The following MTUS2 variants were observed in gnomAD, a reference collection of about 807,000 sequenced individuals.
MTUS2 encodes the protein microtubule-associated tumor suppressor candidate 2.
Under a neutral mutation model 114.1 loss-of-function variants are expected in MTUS2, and 40 were observed. The ratio of observed to expected loss-of-function variants is 0.35; its 90% CI spans 0.27 to 0.46. The LOEUF is 0.46. Ranked by LOEUF, MTUS2 falls within the 20% of genes least tolerant of loss-of-function variation. MTUS2 has a pLI of 1.00. For missense variants in MTUS2, 1,679 were observed against 1,705.4 expected (o/e 0.98, Z 0.27); for synonymous variants, 688 against 672.0 (o/e 1.02, Z -0.37).
chr13:29,493,930 G>C (rs1193410617), intron 12 of MTUS2, among the ~76,000 whole-genome samples: 1 of 152,188 alleles, frequency 6.6e-6, no homozygotes, highest in South Asian at 2.1e-4. Flanking sequence ...AGCAGAATCC[G>C]TTTGGGCTGG....
chr13:29,228,913 G>T (rs1257598254), intron 5 of MTUS2, among the ~76,000 whole-genome samples: 1 of 151,848 alleles, frequency 6.6e-6, no homozygotes, highest in Non-Finnish European at 1.5e-5. Flanking sequence ...CATAGCTCTG[G>T]GAACAGCTAT....
intron 5 of MTUS2, among the ~76,000 whole-genome samples, chr13:29,240,882 G>T (rs1368342392): frequency 6.6e-6 from 1 of 152,028 alleles, no homozygotes; most frequent in Non-Finnish European, 1.5e-5. Context: ...GTCAATATGT[G>T]TAACAGTTTT....
In MTUS2 at chr13:29,282,771, C is replaced by T. The variant is rs553917838; in HGVS notation, c.2806+906C>T. 1.8e-4 allele frequency among the ~76,000 whole-genome samples: 28 copies of T among 152,040 alleles called. No homozygotes were observed. In the East Asian group the frequency reaches 2.5e-3, roughly 14 times the overall value. Reference sequence around the variant, plus strand: ...CAATGTATATATATATGTAAACATACGGGTTTTATAGGTATTTTTAAATGA... The same window carrying T: ...CAATGTATATATATATGTAAACATATGGGTTTTATAGGTATTTTTAAATGA... On this transcript the variant is annotated intron_variant, in intron 6 of 15. Coordinates refer to ENST00000612955, the MANE Select transcript of MTUS2 (RefSeq NM_001033602.4).
chr13:28,901,490 G>T (rs924139691), intron 2 of MTUS2, among the ~76,000 whole-genome samples: 1 of 152,080 alleles, frequency 6.6e-6, no homozygotes, highest in African/African-American at 2.4e-5. Flanking sequence ...AAATTTTCAG[G>T]TCTCACATGT....
At chr13:29,076,173 G>A (rs1889184520) in intron 4 of MTUS2, among the ~76,000 whole-genome samples, 1 of 152,270 alleles carries the variant, frequency 6.6e-6, no homozygotes, top group African/African-American at 2.4e-5. Context: ...TCTTCATAAA[G>A]CTTCTTCTGG....
rs959634458 is a variant in MTUS2, at chr13:29,497,590, G to A, written c.3678+254G>A. ...TCCACAGCATTCCCCAGCTGGAGTC[G>A]TGGGGCTCCTATGATAAGCATGGTC... On this transcript the variant is annotated intron_variant, in intron 13 of 15. Coordinates refer to ENST00000612955, the MANE Select transcript of MTUS2 (RefSeq NM_001033602.4). The A allele has an allele frequency of 1.0e-4, 53 of 525,478 alleles. 1 individual carries two copies. The highest frequency in any genetic ancestry group is 8.5e-4 in the South Asian group (39 of 45,754). The allele number at this position is 525,478 out of a possible 1,614,324, so 32.6% of individuals were successfully genotyped here.
At chr13:29,006,329 G>A (rs866362898) in intron 2 of MTUS2, among the ~76,000 whole-genome samples, 2 of 152,256 alleles carry the variant, frequency 1.3e-5, no homozygotes, top group Middle Eastern at 3.4e-3. Flanking sequence ...CCTTTCTGTG[G>A]CCCAATCAAC....
intron 2 of MTUS2, among the ~76,000 whole-genome samples, chr13:29,008,589 A>G (rs1056244547): frequency 2.0e-5 from 3 of 152,152 alleles, no homozygotes; most frequent in Admixed American, 6.5e-5. Flanking sequence ...TTGAAAATGT[A>G]TTTATTCTGT....
intron 2 of MTUS2, among the ~76,000 whole-genome samples, chr13:28,896,081 A>T (rs1237542406): frequency 6.6e-6 from 1 of 152,202 alleles, no homozygotes; most frequent in African/African-American, 2.4e-5. Flanking sequence ...GTGATTGATT[A>T]TTGGAGTAAT....
intron 6 of MTUS2, among the ~76,000 whole-genome samples, chr13:29,291,229 G>A (rs949085608): frequency 1.3e-5 from 2 of 152,030 alleles, no homozygotes; most frequent in African/African-American, 4.8e-5. Context: ...TCCTAGTTTC[G>A]TCTCTCCACT....
intron 2 of MTUS2, among the ~76,000 whole-genome samples, chr13:28,963,207 C>T (rs1192632644): frequency 2.0e-5 from 3 of 151,850 alleles, no homozygotes; most frequent in East Asian, 1.9e-4. Flanking sequence ...AAAAATTAGC[C>T]GGGCGTGGTG....
chr13:28,968,292 A>C (rs1331969789), intron 2 of MTUS2, among the ~76,000 whole-genome samples: 1 of 152,232 alleles, frequency 6.6e-6, no homozygotes, highest in South Asian at 2.1e-4. Context: ...CCCACATATC[A>C]TATGCTTAGG....
intron 8 of MTUS2, among the ~76,000 whole-genome samples, chr13:29,433,030 G>A (rs1292995507): frequency 3.9e-5 from 6 of 152,184 alleles, no homozygotes; most frequent in Non-Finnish European, 8.8e-5. Context: ...CAGGCAACTG[G>A]CTAATTCTCC....
At chr13:29,325,585 G>A (rs61264196) in intron 7 of MTUS2, among the ~76,000 whole-genome samples, 180 of 148,130 alleles carry the variant, frequency 1.2e-3, no homozygotes, top group African/African-American at 3.9e-3. Context: ...AGGAGGAAGA[G>A]GAAGAAGAAG....
intron 5 of MTUS2, among the ~76,000 whole-genome samples, chr13:29,253,105 C>T (rs575995753): frequency 8.7e-5 from 13 of 149,410 alleles, no homozygotes; most frequent in African/African-American, 3.0e-4. Context: ...CTCAGGGCCT[C>T]ATCCTGGGTT....
intron 5 of MTUS2, among the ~76,000 whole-genome samples, chr13:29,194,933 A>G (rs936966306): frequency 1.1e-4 from 17 of 149,060 alleles, no homozygotes; most frequent in African/African-American, 4.2e-4. Context: ...TGATGAGTTC[A>G]TGTCCTTTGT....
chr13:29,294,113 T>A (rs1476985034), intron 6 of MTUS2, among the ~76,000 whole-genome samples: 5 of 152,138 alleles, frequency 3.3e-5, no homozygotes, highest in Non-Finnish European at 7.4e-5. Flanking sequence ...GGAAAGAGCA[T>A]GAAGGTTACA....
At chr13:29,397,508 GCA>G (rs779745053) in intron 8 of MTUS2, among the ~76,000 whole-genome samples, 9 of 152,218 alleles carry the variant, frequency 5.9e-5, no homozygotes, top group Admixed American at 2.6e-4. Context: ...TTTTGGAAAT[GCA>G]TGGTCTCAGG....
chr13:29,341,766 A>G (rs112498890), intron 7 of MTUS2, among the ~76,000 whole-genome samples: 11,853 of 152,020 alleles, frequency 0.078, 1,479 homozygotes, highest in African/African-American at 0.26. Context: ...TAGAATTTTT[A>G]TGGTTTCTTT....
Sources: allele counts gnomAD v4.1 joint callset (sites outside exome capture counted in the v4.1 genomes callset), GRCh38; gene constraint gnomAD v4.1.1; transcripts MANE v1.5; gene names NCBI Gene and HGNC (gene_info 2026-07-23, HGNC 2026-07-21).